The following SUPT20H variants were observed in gnomAD, a reference collection of about 807,000 sequenced individuals.
The protein encoded by SUPT20H is transcription factor SPT20 homolog.
A neutral mutation model predicts 122.8 loss-of-function variants in SUPT20H; 82 were observed. The observed-to-expected ratio is 0.67, with a 90% CI of 0.56 to 0.80. The LOEUF (loss-of-function observed/expected upper bound fraction) is 0.80, where lower values mean the gene tolerates loss of function less well. Ranked by LOEUF, SUPT20H falls within the 30% of genes least tolerant of loss-of-function variation. The pLI is 0.00. For synonymous variants in SUPT20H, 291 were observed against 313.0 expected, an observed-to-expected ratio of 0.93 and a Z score of 0.74; for missense variants, 831 against 921.6, an observed-to-expected ratio of 0.90 and a Z score of 1.27.
rs889147910 is a variant in SUPT20H at position 37,048,598 on chromosome 13, T to C, written c.5A>G (p.Gln2Arg). The change falls in exon 3 of 26, where the codon CAA becomes CGA. Residue 2 changes from glutamine (Q) to arginine (R), a missense_variant and splice_region_variant. Physicochemically the swap from Gln to Arg is conservative, Grantham distance 43. Transcript: ENST00000350612. M[Q>R]QALELALDRA... Reference sequence around the variant, plus strand: ...ATCCAAAGCTAGTTCTAAAGCTTGTTGCTGTAAAAAGTAAATAGTATATTT... The same window carrying C: ...ATCCAAAGCTAGTTCTAAAGCTTGTCGCTGTAAAAAGTAAATAGTATATTT... 6.3e-7 allele frequency: 1 copy of C among 1,598,608 alleles called. No individual in the cohort carries two copies.
At chr13:37,033,401 T>G (rs779026942) in intron 10 of SUPT20H, 48 bp downstream of exon 10, 6 of 1,589,092 alleles carry the variant, frequency 3.8e-6, no homozygotes, top group East Asian at 4.5e-5. Flanking sequence ...ATAGCAAAAT[T>G]TATAGCTACT....
Position 37,022,440 on chromosome 13 carries a change from A to T in SUPT20H, c.1592-360T>A. ...TCTAGTTTTTTTTTTTTTAGCAGTT[A>T]ACTGCAAGTGTTAATTTCTACACAT... On this transcript the variant is annotated intron_variant, in intron 19 of 25. Coordinates refer to ENST00000350612, the MANE Select transcript of SUPT20H (RefSeq NM_001014286.3). This position sits in a 1 kb window ranked among gnomAD's most constrained non-coding sequence, Gnocchi z 4.5. The T allele has an allele frequency of 7.7e-7, 1 of 1,306,060 alleles. No homozygotes were observed. The highest frequency in any genetic ancestry group is 2.7e-5 in the South Asian group (1 of 36,920). 80.9% of individuals were successfully genotyped at this position (1,306,060 alleles called of 1,614,324 possible).
chr13:37,057,767 A>G (rs964696916), intron 1 of SUPT20H, among the ~76,000 whole-genome samples: 5 of 152,212 alleles, frequency 3.3e-5, no homozygotes, highest in Non-Finnish European at 7.4e-5. Context: ...TCAGCCCTGG[A>G]GTTCGAGACC....
At chr13:37,058,159 C>T (rs916341031) in intron 1 of SUPT20H, among the ~76,000 whole-genome samples, 2 of 150,646 alleles carry the variant, frequency 1.3e-5, no homozygotes, top group East Asian at 2.0e-4. Context: ...CCAGCTACTC[C>T]GGAGGCTGAG....
chr13:37,015,023 A>G (rs2060194067), intron 23 of SUPT20H, among the ~76,000 whole-genome samples: 1 of 152,178 alleles, frequency 6.6e-6, no homozygotes, highest in African/African-American at 2.4e-5. Flanking sequence ...AAGAGTTCTT[A>G]ATAAATTTAA....
At chr13:37,012,125 C>T (rs1028243149) in intron 24 of SUPT20H, 67 bp downstream of exon 24, 52 of 1,230,844 alleles carry the variant, frequency 4.2e-5, no homozygotes, top group Middle Eastern at 1.9e-4. Flanking sequence ...ATAATTTAAG[C>T]GGTGAGATCC....
chr13:37,012,101 G>T, intron 24 of SUPT20H, 91 bp downstream of exon 24: 1 of 993,052 alleles, frequency 1.0e-6, no homozygotes, highest in Non-Finnish European at 1.5e-6. Flanking sequence ...TGGTTGCAAG[G>T]GAAGGAAAAG....
chr13:37,040,367 A>T (rs1237360279), intron 9 of SUPT20H, 38 bp downstream of exon 9: 1 of 1,527,068 alleles, frequency 6.5e-7, no homozygotes, highest in Non-Finnish European at 8.8e-7. Context: ...TTCATCCTAT[A>T]TTTTGCCTGT....
In SUPT20H at chr13:37,028,192, T is replaced by C. The variant is rs758840641; in HGVS notation, c.1107A>G (p.Pro369=). 15 of 1,613,312 alleles carry C rather than the reference T, an allele frequency of 9.3e-6. No homozygotes were observed. Among genetic ancestry groups the C allele is most frequent in the South Asian group, 6.6e-5 (6 of 90,998 alleles). Residue 369 remains proline, a synonymous_variant, in exon 14 of 26, where the codon CCA becomes CCG. Coordinates refer to ENST00000350612, the MANE Select transcript of SUPT20H (RefSeq NM_001014286.3). ...TGTCACTTTCTTCATCTGCTTTACA[T>C]GGCTGTATTTTACCATAGTAAAGTG... The part of the protein sequence containing the change: ...GDPLYYGKIQ[P]CKADEESDSQ...
At chr13:37,009,905 G>T in intron 25 of SUPT20H, 96 bp from the exon 26 acceptor site, 1 of 1,496,530 alleles carries the variant, frequency 6.7e-7, no homozygotes. Flanking sequence ...ACTGAAAAAG[G>T]GAGAAAGCAC....
At chr13:37,043,223 A>C (rs750336689) in intron 7 of SUPT20H, among the ~76,000 whole-genome samples, 1 of 152,228 alleles carries the variant, frequency 6.6e-6, no homozygotes, top group African/African-American at 2.4e-5. Context: ...CAACTATTTT[A>C]ACGGGAAGGC....
At chr13:37,038,541 T>C (rs908950697) in intron 9 of SUPT20H, 4 of 152,214 alleles carry the variant, frequency 2.6e-5, no homozygotes, top group Admixed American at 6.5e-5. Context: ...ACACAATACT[T>C]GGTAGTTACT....
intron 9 of SUPT20H, chr13:37,038,041 T>A (rs1186445340): frequency 6.6e-6 from 1 of 151,964 alleles, no homozygotes; most frequent in African/African-American, 2.4e-5. Context: ...GCTCTTTTTT[T>A]TTTTTTTGGA....
intron 2 of SUPT20H, among the ~76,000 whole-genome samples, 194 bp from the exon 3 acceptor site, chr13:37,048,793 A>G (rs886122453): frequency 6.6e-6 from 1 of 152,174 alleles, no homozygotes; most frequent in African/African-American, 2.4e-5. Flanking sequence ...ATTACTAACA[A>G]CAAACTAAAT....
At chr13:37,052,952 C>G (rs1044222496) in intron 1 of SUPT20H, among the ~76,000 whole-genome samples, 5 of 152,146 alleles carry the variant, frequency 3.3e-5, no homozygotes, top group African/African-American at 1.2e-4. Context: ...TAGAGAAATG[C>G]AAATCAAAAC....
Position 37,009,366 on chromosome 13 carries a change from T to C in SUPT20H, c.*306A>G, listed in dbSNP as rs2059207782. The C allele has an allele frequency of 1.1e-6, 1 of 873,128 alleles. No individual in the cohort carries two copies. The highest frequency in any genetic ancestry group is 1.8e-6 in the Non-Finnish European group (1 of 547,112). The allele number at this position is 873,128 out of a possible 1,614,324, so 54.1% of individuals were successfully genotyped here. A position where few individuals can be genotyped will look rare whatever the true frequency, so the allele number is the denominator to read the frequency against. On this transcript the variant is annotated 3_prime_UTR_variant, in exon 26 of 26. Transcript: ENST00000350612. ...TTGTTAACACTGTGCACAAACGTTT[T>C]ATACTAAATAAATATCAAACTACAT...
At chr13:37,027,273 T>G (rs1376402352) in intron 14 of SUPT20H, among the ~76,000 whole-genome samples, 2 of 151,702 alleles carry the variant, frequency 1.3e-5, no homozygotes, top group Non-Finnish European at 2.9e-5. Context: ...TCCTTAGAAA[T>G]GCATGCTGAG....
chr13:37,046,577 T>C (rs1416902587), intron 5 of SUPT20H, among the ~76,000 whole-genome samples: 1 of 152,160 alleles, frequency 6.6e-6, no homozygotes, highest in Non-Finnish European at 1.5e-5. Flanking sequence ...TATAAAAACA[T>C]GCAGTAGGCC....
At chr13:37,021,866 T>C in intron 20 of SUPT20H, 145 bp downstream of exon 20, 1 of 966,994 alleles carries the variant, frequency 1.0e-6, no homozygotes, top group Non-Finnish European at 1.5e-6. Context: ...ACATACATGG[T>C]CAGGCAGCTT....
Sources: gnomAD v4.1 joint callset for allele counts (sites outside exome capture counted in the v4.1 genomes callset) on GRCh38, gnomAD v4.1.1 for gene constraint, Gnocchi (gnomAD v3.1) non-coding constraint, MANE v1.5 for transcripts, NCBI Gene and HGNC (gene_info 2026-07-23, HGNC 2026-07-21) for gene names.